TBCD: variants seen among roughly 807,000 people sequenced by gnomAD.
TBCD encodes the protein tubulin-specific chaperone D.
Under a neutral mutation model 169.3 loss-of-function variants are expected in TBCD, and 105 were observed. The ratio of observed to expected loss-of-function variants is 0.62; its 90% CI spans 0.53 to 0.73. The LOEUF is 0.73. Ranked by LOEUF, TBCD falls within the 30% of genes least tolerant of loss-of-function variation. The pLI is 0.00. For missense variants in TBCD, 1,444 were observed against 1,600.1 expected (o/e 0.90, Z 1.66); for synonymous variants, 700 against 643.9 (o/e 1.09, Z -1.32).
intron 13 of TBCD, among the ~76,000 whole-genome samples, chr17:82,836,441 G>A (rs554014853): frequency 1.2e-4 from 19 of 152,350 alleles, no homozygotes; most frequent in African/African-American, 4.3e-4. Flanking sequence ...TGAGAGCTGC[G>A]TCCTCGCGAG....
At chr17:82,866,778 T>A (rs4986120) in intron 13 of TBCD, among the ~76,000 whole-genome samples, 2 of 152,050 alleles carry the variant, frequency 1.3e-5, no homozygotes, top group African/African-American at 2.4e-5. Context: ...GGAGGACAGC[T>A]GGAAGCCCAG....
rs150211959 is a variant in TBCD, at chr17:82,827,772, C to T, written c.1318+12838C>T. On this transcript the variant is annotated intron_variant, in intron 13 of 38. Coordinates refer to ENST00000355528, the MANE Select transcript of TBCD (RefSeq NM_005993.5). ...ACCCGTACAATCGAATGCACACATCCGCAGATATGTACACGTGGACACCCA... is the reference window on the plus strand; with the variant it reads ...ACCCGTACAATCGAATGCACACATCTGCAGATATGTACACGTGGACACCCA... Among the ~76,000 whole-genome samples, 355 of 152,082 alleles carry T rather than the reference C, an allele frequency of 2.3e-3. 1 individual carries two copies. The highest frequency in any genetic ancestry group is 3.4e-3 in the Middle Eastern group (1 of 294).
At chr17:82,780,754 C>T (rs535620649) in intron 6 of TBCD, among the ~76,000 whole-genome samples, 10 of 144,358 alleles carry the variant, frequency 6.9e-5, no homozygotes, top group African/African-American at 2.6e-4. Flanking sequence ...ACGCGATTCT[C>T]TGGCCTTAGC....
intron 15 of TBCD, among the ~76,000 whole-genome samples, chr17:82,887,166 T>TGC (rs1164086857): frequency 1.8e-3 from 198 of 109,134 alleles, no homozygotes; most frequent in Non-Finnish European, 2.7e-3. Context: ...TGTGTGTGTG[T>TGC]GTGCGCGCGC....
intron 7 of TBCD, among the ~76,000 whole-genome samples, chr17:82,783,487 C>T (rs900546300): frequency 9.9e-5 from 15 of 152,224 alleles, no homozygotes; most frequent in African/African-American, 3.4e-4. Context: ...TGAGAGAAAC[C>T]TTGATTGCAC....
chr17:82,807,636 G>A lies in TBCD; in HGVS notation c.1116G>A (p.Lys372=), dbSNP rs1244798381. ...AGCTGCTGGTCGGGCTGAAGGACAA[G>A]GACACGGTCGTGCGGTGGTCTGCAG... ...IEQLLVGLKD[K]DTVVRWSAAK... Residue 372 remains lysine (K), a synonymous_variant, in exon 11 of 39, where the codon AAG becomes AAA. Transcript: ENST00000355528. 4 of 1,557,008 alleles carry A rather than the reference G, an allele frequency of 2.6e-6. No individual in the cohort carries two copies. Among genetic ancestry groups the A allele is most frequent in the South Asian group, 1.2e-5 (1 of 82,242 alleles).
At chr17:82,825,879 C>G (rs2052799233) in intron 13 of TBCD, among the ~76,000 whole-genome samples, 1 of 152,194 alleles carries the variant, frequency 6.6e-6, no homozygotes, top group South Asian at 2.1e-4. Flanking sequence ...GTGGGAGGAT[C>G]ACTTGAGCCC....
At chr17:82,809,679 C>G in intron 11 of TBCD, 29 bp from the exon 12 acceptor site, 1 of 1,608,436 alleles carries the variant, frequency 6.2e-7, no homozygotes, top group Non-Finnish European at 8.5e-7. Flanking sequence ...TGGTGGTGCC[C>G]CTGACGGATT....
At position 82,816,152 on chromosome 17, in the gene TBCD, G is replaced by A. The variant is rs79076443; in HGVS notation, c.1318+1218G>A. On this transcript the variant is annotated intron_variant, in intron 13 of 38. Transcript: ENST00000355528. ...GACATTTCCTAACAGTGGAACCTAC[G>A]ACATGTGATCTTTGGCGTCCGAATT... 7.2e-5 allele frequency among the ~76,000 whole-genome samples: 11 copies of A among 152,224 alleles called. No homozygotes were observed. The East Asian group carries it at 1.2e-3, about 16-fold the overall frequency.
rs367717068 is a variant in TBCD at position 82,858,661 on chromosome 17, G to A, written c.1319-11563G>A. 2,460 of 985,392 alleles carry A rather than the reference G, an allele frequency of 2.5e-3. 2 individuals carry two copies. Among genetic ancestry groups the A allele is most frequent in the Non-Finnish European group, 2.8e-3 (2,297 of 829,920 alleles). The allele number at this position is 985,392 out of a possible 1,614,324, so 61.0% of individuals were successfully genotyped here. A position where few individuals can be genotyped will look rare whatever the true frequency, so the allele number is the denominator to read the frequency against. ...ACTTTTTAGGGTTGCTTTTGAATGT[G>A]CCTGAGGTGAGGTTCCTGTGTTTTC... On this transcript the variant is annotated intron_variant, in intron 13 of 38. Coordinates refer to ENST00000355528, the MANE Select transcript of TBCD (RefSeq NM_005993.5).
intron 13 of TBCD, among the ~76,000 whole-genome samples, chr17:82,849,228 A>T (rs867787188): frequency 4.2e-5 from 4 of 94,440 alleles, no homozygotes; most frequent in African/African-American, 4.6e-5. Context: ...CGTCTTCTCC[A>T]CCTCAATGTC....
intron 13 of TBCD, among the ~76,000 whole-genome samples, chr17:82,828,385 T>TAGAC (rs1567845587): frequency 1.4e-5 from 2 of 139,526 alleles, no homozygotes; most frequent in Non-Finnish European, 3.1e-5. Context: ...CACTCACAGA[T>TAGAC]ACATGCACAC....
chr17:82,756,474 T>C (rs1381920716), intron 2 of TBCD, among the ~76,000 whole-genome samples: 1 of 151,970 alleles, frequency 6.6e-6, no homozygotes, highest in Non-Finnish European at 1.5e-5. Context: ...CTCATGTGTT[T>C]TTTTTGTTTT....
chr17:82,883,061 C>CTGT (rs1567952003), intron 14 of TBCD, among the ~76,000 whole-genome samples: 1 of 152,236 alleles, frequency 6.6e-6, no homozygotes, highest in Non-Finnish European at 1.5e-5. Context: ...TCACATTTAG[C>CTGT]TTAACAGCAG....
chr17:82,930,417 C>T lies in TBCD; in HGVS notation c.2992-105C>T, dbSNP rs1024904513. ...GCCAGACCTTCGCGTCTCTGCAGCT[C>T]GGAGCAGTTCTGCTCTTCAGCAGAT... On this transcript the variant is annotated intron_variant, in intron 32 of 38. Transcript: ENST00000355528. This position sits in a 1 kb window ranked among gnomAD's most constrained non-coding sequence, Gnocchi z 5.2. 8.9e-5 allele frequency: 131 copies of T among 1,471,702 alleles called. No individual in the cohort carries two copies. In the Middle Eastern group the frequency reaches 9.6e-4, roughly 11 times the overall value. 91.2% of individuals were successfully genotyped at this position (1,471,702 alleles called of 1,614,324 possible). A position where few individuals can be genotyped will look rare whatever the true frequency, so the allele number is the denominator to read the frequency against.
rs756567361 is a variant in TBCD at position 82,831,229 on chromosome 17, G to A, written c.1318+16295G>A. The A allele has an allele frequency of 8.7e-6, 14 of 1,614,026 alleles. No individual in the cohort carries two copies. Among genetic ancestry groups the A allele is most frequent in the Middle Eastern group, 1.6e-4 (1 of 6,062 alleles). ...GGGGCTCGGCCTCCCTGGGGAGCCC[G>A]TGGCTGCACTCCCTGCGCGGGGGCT... is the stretch of plus-strand genomic sequence containing the variant. On this transcript the variant is annotated intron_variant, in intron 13 of 38. Transcript: ENST00000355528. This position sits in a 1 kb window ranked among gnomAD's most constrained non-coding sequence, Gnocchi z 4.6.
chr17:82,802,730 T>A (rs1279027143), intron 9 of TBCD, among the ~76,000 whole-genome samples: 1 of 152,144 alleles, frequency 6.6e-6, no homozygotes, highest in Non-Finnish European at 1.5e-5. Context: ...CGAGGCCCCC[T>A]GCATTTGGCA....
At chr17:82,765,913 T>C (rs1447966066) in intron 3 of TBCD, among the ~76,000 whole-genome samples, 1 of 152,168 alleles carries the variant, frequency 6.6e-6, no homozygotes, top group African/African-American at 2.4e-5. Context: ...ACTCTTGGTC[T>C]CAAATGATTC....
chr17:82,887,168 T>TGTGTGTGTGCGTGC, intron 15 of TBCD, among the ~76,000 whole-genome samples: 1 of 126,102 alleles, frequency 7.9e-6, no homozygotes, highest in Non-Finnish European at 1.7e-5. Context: ...TGTGTGTGTG[T>TGTGTGTGTGCGTGC]GCGCGCGCGC....
Sources: gnomAD v4.1 joint callset for allele counts (sites outside exome capture counted in the v4.1 genomes callset) on GRCh38, gnomAD v4.1.1 for gene constraint, Gnocchi (gnomAD v3.1) non-coding constraint, MANE v1.5 for transcripts, NCBI Gene and HGNC (gene_info 2026-07-23, HGNC 2026-07-21) for gene names.